The following SLC35F5 variants were observed in gnomAD, a reference collection of about 807,000 sequenced individuals.
The protein encoded by SLC35F5 is solute carrier family 35 member F5.
A neutral mutation model predicts 68.6 loss-of-function variants in SLC35F5; 54 were observed. That is an observed-to-expected ratio of 0.79 (90% CI 0.63 to 0.99). The LOEUF is 0.99. SLC35F5 is among the 50% of genes least tolerant of loss of function. The pLI is 0.00. For missense variants in SLC35F5, 567 were observed against 626.9 expected (o/e 0.90, Z 1.02); for synonymous variants, 211 against 205.2 (o/e 1.03, Z -0.24).
chr2:113,743,621 T>C (rs1676370361), intron 6 of SLC35F5, 92 bp downstream of exon 6: 2 of 943,070 alleles, frequency 2.1e-6, no homozygotes, highest in African/African-American at 1.6e-5. Flanking sequence ...GGAGCAGAAC[T>C]GCTACATGTT....
intron 4 of SLC35F5, among the ~76,000 whole-genome samples, chr2:113,748,917 C>T (rs1323071703): frequency 6.6e-6 from 1 of 152,178 alleles, no homozygotes; most frequent in Admixed American, 6.5e-5. Flanking sequence ...AACTCTCCTG[C>T]CTCAGCCTCC....
At position 113,708,235 on chromosome 2, in the gene SLC35F5, G is replaced by C. The variant is rs1337879321; in HGVS notation, c.*6983C>G. Among the ~76,000 whole-genome samples the C allele has an allele frequency of 6.6e-6, 1 of 152,166 alleles. No homozygotes were observed. The highest frequency in any genetic ancestry group is 1.5e-5 in the Non-Finnish European group (1 of 68,030). On this transcript the variant is annotated 3_prime_UTR_variant, in exon 16 of 16. Transcript: ENST00000245680. Reference sequence around the variant, plus strand: ...GCAATCTTCCCAACATTGCAGTAAAGCAGTCTAGATGGCTGGGGAAAGGTA... The same window carrying C: ...GCAATCTTCCCAACATTGCAGTAAACCAGTCTAGATGGCTGGGGAAAGGTA...
In SLC35F5 at chr2:113,710,681, T is replaced by C. The variant is rs1381321629; in HGVS notation, c.*4537A>G. Among the ~76,000 whole-genome samples the C allele has an allele frequency of 6.6e-6, 1 of 151,624 alleles. No homozygotes were observed. The highest frequency in any genetic ancestry group is 1.5e-5 in the Non-Finnish European group (1 of 67,926). On this transcript the variant is annotated 3_prime_UTR_variant, in exon 16 of 16. Coordinates refer to ENST00000245680, the MANE Select transcript of SLC35F5 (RefSeq NM_025181.5). ...GTCCCAACTACTCAGGAGACTGAGG[T>C]GGGAGGATGGCTTGAGCTTGGGAGG...
In SLC35F5 at chr2:113,711,594, G is replaced by A. The variant is rs1686986926; in HGVS notation, c.*3624C>T. Among the ~76,000 whole-genome samples the A allele has an allele frequency of 6.6e-6, 1 of 152,076 alleles. No individual in the cohort carries two copies. Among genetic ancestry groups the A allele is most frequent in the South Asian group, 2.1e-4 (1 of 4,828 alleles). On this transcript the variant is annotated 3_prime_UTR_variant, in exon 16 of 16. Transcript: ENST00000245680. Reference sequence around the variant, plus strand: ...TATCTAAATGGGATTTGGGGGACACGGCAGACTATTAAAATAGAACTCAAA... The same window carrying A: ...TATCTAAATGGGATTTGGGGGACACAGCAGACTATTAAAATAGAACTCAAA...
chr2:113,738,807 A>G (rs1688183934), intron 7 of SLC35F5, among the ~76,000 whole-genome samples: 1 of 152,164 alleles, frequency 6.6e-6, no homozygotes, highest in Non-Finnish European at 1.5e-5. Context: ...GCTGGTCTGA[A>G]TTGAAAAGTG....
intron 3 of SLC35F5, among the ~76,000 whole-genome samples, chr2:113,753,492 A>C (rs970687361): frequency 1.3e-5 from 2 of 152,034 alleles, no homozygotes; most frequent in Non-Finnish European, 2.9e-5. Flanking sequence ...TCCAAAGTTT[A>C]ATGAGCATAA....
At chr2:113,741,807 A>G (rs1302058686) in intron 7 of SLC35F5, 2 of 152,170 alleles carry the variant, frequency 1.3e-5, no homozygotes, top group Non-Finnish European at 2.9e-5. Flanking sequence ...TAAATCTGCT[A>G]TAAAGAATAG....
chr2:113,734,681 G>A lies in SLC35F5; in HGVS notation c.833-8C>T, dbSNP rs751052577. On this transcript the variant is annotated splice_region_variant and splice_polypyrimidine_tract_variant and intron_variant, in intron 8 of 15. Transcript: ENST00000245680. ...GGATTAAGGTAAAAAGTCCTATGAG[G>A]AGAAAAGAATTTAAAAATGGTACAT... 3.9e-6 allele frequency: 6 copies of A among 1,545,974 alleles called. No homozygotes were observed. Among genetic ancestry groups the A allele is most frequent in the Non-Finnish European group, 2.7e-6 (3 of 1,129,458 alleles).
intron 4 of SLC35F5, among the ~76,000 whole-genome samples, chr2:113,749,490 C>A (rs1400752332): frequency 1.3e-5 from 2 of 152,144 alleles, no homozygotes; most frequent in Admixed American, 6.5e-5. Context: ...CAAAGTGAGA[C>A]CCTGTCTCTA....
rs771341572 is a variant in SLC35F5 at position 113,725,411 on chromosome 2, A to G, written c.1217T>C (p.Ile406Thr). ...CAGGAACTCTGAGAGTACTGTTCCA[A>G]TAAGGCCATTAATGATAATGCACAT... ...VLMCIIINGLIGTVLSEFLWL... is the reference protein window; with the variant it reads ...VLMCIIINGLTGTVLSEFLWL... The change falls in exon 12 of 16, where the codon ATT (isoleucine) becomes ACT (threonine). Residue 406 changes from isoleucine to threonine, a missense_variant. Physicochemically the swap from Ile to Thr is moderately conservative, Grantham distance 89. Transcript: ENST00000245680. 7.4e-6 allele frequency: 12 copies of G among 1,610,852 alleles called. No individual in the cohort carries two copies. Among genetic ancestry groups the G allele is most frequent in the Non-Finnish European group, 1.0e-5 (12 of 1,179,010 alleles).
rs1686891625 is a variant in SLC35F5 at position 113,709,171 on chromosome 2, A to G, written c.*6047T>C. On this transcript the variant is annotated 3_prime_UTR_variant, in exon 16 of 16. Transcript: ENST00000245680. ...TGTTTGGCATTGTCTCTGGAACTAC[A>G]AAACTATGGCCTATGTGGTGTCACT... 6.6e-6 allele frequency among the ~76,000 whole-genome samples: 1 copy of G among 152,192 alleles called. No individual in the cohort carries two copies. The highest frequency in any genetic ancestry group is 1.5e-5 in the Non-Finnish European group (1 of 68,032).
rs970878452 is a variant in SLC35F5 at position 113,711,512 on chromosome 2, A to G, written c.*3706T>C. ...TGTACAGGCAAATGAGGCTGTTACT[A>G]TAAAAAAAATGTGGTGTCTAAAAAT... is the stretch of plus-strand genomic sequence containing the variant. On this transcript the variant is annotated 3_prime_UTR_variant, in exon 16 of 16. Coordinates refer to ENST00000245680, the MANE Select transcript of SLC35F5 (RefSeq NM_025181.5). Among the ~76,000 whole-genome samples the G allele has an allele frequency of 7.0e-6, 1 of 141,936 alleles. No homozygotes were observed. The highest frequency in any genetic ancestry group is 1.9e-4 in the East Asian group (1 of 5,136). The allele number at this position is 141,936 out of a possible 152,430, so 93.1% of individuals were successfully genotyped here.
At chr2:113,748,890 G>C (rs1400354828) in intron 4 of SLC35F5, among the ~76,000 whole-genome samples, 7 of 152,074 alleles carry the variant, frequency 4.6e-5, no homozygotes, top group Admixed American at 4.6e-4. Flanking sequence ...TGCAGCCTCT[G>C]ACTCCCAAGT....
At chr2:113,743,989 G>C (rs751148617) in intron 5 of SLC35F5, 195 bp from the exon 6 acceptor site, 36 of 403,934 alleles carry the variant, frequency 8.9e-5, no homozygotes, top group Non-Finnish European at 1.3e-4. Flanking sequence ...AAAAGAATCA[G>C]TTTACAGTTT....
chr2:113,720,391 T>C (rs1396833843), intron 13 of SLC35F5, among the ~76,000 whole-genome samples: 1 of 151,554 alleles, frequency 6.6e-6, no homozygotes, highest in East Asian at 1.9e-4. Flanking sequence ...ACATATACTA[T>C]TCCATTTCAT....
intron 3 of SLC35F5, among the ~76,000 whole-genome samples, chr2:113,753,162 G>GTTTTTTTT (rs143010470): frequency 3.2e-4 from 16 of 50,534 alleles, no homozygotes; most frequent in South Asian, 7.4e-4. Flanking sequence ...TCCAAAGTTT[G>GTTTTTTTT]TTTTTCTTTT....
downstream of SLC35F5, chr2:113,705,666 T>C (rs1311878531): frequency 6.6e-6 from 1 of 152,116 alleles, no homozygotes; most frequent in East Asian, 1.9e-4. Context: ...AGAAAGAAGT[T>C]ATAAGTAGTC....
chr2:113,725,241 G>A lies in SLC35F5; in HGVS notation c.1250+137C>T, dbSNP rs998032129. ...AAAAAACAAAGTCCCTGCTCTAGTG[G>A]AGTTAAAGTATTCAGTTGTATGTGT... On this transcript the variant is annotated intron_variant, in intron 12 of 15. Coordinates refer to ENST00000245680, the MANE Select transcript of SLC35F5 (RefSeq NM_025181.5). The A allele has an allele frequency of 1.1e-5, 8 of 715,994 alleles. No individual in the cohort carries two copies. The African/African-American group carries it at 1.3e-4, about 12-fold the overall frequency. The allele number at this position is 715,994 out of a possible 1,614,324, so 44.4% of individuals were successfully genotyped here.
At chr2:113,720,766 GA>G (rs1173267164) in intron 13 of SLC35F5, among the ~76,000 whole-genome samples, 2 of 152,086 alleles carry the variant, frequency 1.3e-5, no homozygotes, top group African/African-American at 4.8e-5. Flanking sequence ...ATTATTTCAT[GA>G]ATATTCAACT....
Sources: allele counts gnomAD v4.1 joint callset (sites outside exome capture counted in the v4.1 genomes callset), GRCh38; gene constraint gnomAD v4.1.1; transcripts MANE v1.5; gene names NCBI Gene and HGNC (gene_info 2026-07-23, HGNC 2026-07-21).